Variants in CAMSAP1 observed in about 807,000 individuals in gnomAD.
CAMSAP1 encodes the protein calmodulin regulated spectrin associated protein 1.
CAMSAP1 carries 58 observed loss-of-function variants against 143.5 expected under a neutral mutation model. The ratio of observed to expected loss-of-function variants is 0.40; its 90% CI spans 0.33 to 0.50. The LOEUF (loss-of-function observed/expected upper bound fraction) is 0.50, where lower values mean the gene tolerates loss of function less well. Among genes scored for constraint, CAMSAP1 ranks in the 20% least tolerant of loss-of-function variants. CAMSAP1 has a pLI of 0.45. For missense variants in CAMSAP1, 1,969 were observed against 2,115.7 expected (o/e 0.93, Z 1.36); for synonymous variants, 945 against 859.3 (o/e 1.10, Z -1.74).
intron 7 of CAMSAP1, 136 bp downstream of exon 7, chr9:135,850,001 G>A (rs910615021): frequency 2.4e-5 from 15 of 636,416 alleles, no homozygotes; most frequent in Admixed American, 1.1e-4. Flanking sequence ...TCTCACGCCC[G>A]TCCCTGGGAT....
Position 135,880,325 on chromosome 9 carries a change from A to G in CAMSAP1, c.585+1308T>C, listed in dbSNP as rs369272740. On this transcript the variant is annotated intron_variant, in intron 3 of 16. Coordinates refer to ENST00000389532, the MANE Select transcript of CAMSAP1 (RefSeq NM_015447.4). Reference sequence around the variant, plus strand: ...CAGGGATGAGTGAGACATGGCGCTCACCACCAAGAGGCGTCCTCATGGGTA... The same window carrying G: ...CAGGGATGAGTGAGACATGGCGCTCGCCACCAAGAGGCGTCCTCATGGGTA... 2.8e-4 allele frequency among the ~76,000 whole-genome samples: 42 copies of G among 152,242 alleles called. No homozygotes were observed. The Middle Eastern group carries it at 0.01, about 37-fold the overall frequency.
At chr9:135,848,525 TCACACATGCACACACACGCATGCA>T (rs1836659078) in intron 7 of CAMSAP1, among the ~76,000 whole-genome samples, 1 of 149,922 alleles carries the variant, frequency 6.7e-6, no homozygotes, top group Non-Finnish European at 1.5e-5. Flanking sequence ...ACACACACGC[TCACACATGCACACACACGCATGCA>T]CACACATACA....
chr9:135,898,416 G>A (rs1838521004), intron 1 of CAMSAP1, among the ~76,000 whole-genome samples: 1 of 152,084 alleles, frequency 6.6e-6, no homozygotes, highest in African/African-American at 2.4e-5. Flanking sequence ...AGGCTGAGAT[G>A]GAAGAATCAC....
At chr9:135,831,835 T>C (rs1405375906) in intron 7 of CAMSAP1, among the ~76,000 whole-genome samples, 4 of 152,042 alleles carry the variant, frequency 2.6e-5, no homozygotes, top group African/African-American at 9.7e-5. Context: ...GCCAACAAAC[T>C]GAATAATGCA....
chr9:135,896,766 G>T (rs376841123), intron 1 of CAMSAP1, among the ~76,000 whole-genome samples: 11 of 152,348 alleles, frequency 7.2e-5, no homozygotes, highest in African/African-American at 2.6e-4. Flanking sequence ...TGGTCTGAGT[G>T]TTTTCTGCCC....
At chr9:135,875,914 T>C (rs1837731832) in intron 3 of CAMSAP1, among the ~76,000 whole-genome samples, 1 of 152,054 alleles carries the variant, frequency 6.6e-6, no homozygotes, top group Non-Finnish European at 1.5e-5. Context: ...GGACAAACCA[T>C]AAAAGGAAAT....
rs889492690 is a variant in CAMSAP1, at chr9:135,833,175, G to A, written c.1046-5591C>T. On this transcript the variant is annotated intron_variant, in intron 7 of 16. Transcript: ENST00000389532. Reference sequence around the variant, plus strand: ...CGGCTCACTGCAAGCTCCGCCTCCCGGATTCACGCCATTCTCTTGCCTCAG... The same window carrying A: ...CGGCTCACTGCAAGCTCCGCCTCCCAGATTCACGCCATTCTCTTGCCTCAG... 4.6e-5 allele frequency among the ~76,000 whole-genome samples: 7 copies of A among 150,636 alleles called. No homozygotes were observed. The South Asian group carries it at 6.3e-4, about 14-fold the overall frequency.
intron 1 of CAMSAP1, among the ~76,000 whole-genome samples, chr9:135,891,422 C>A (rs949759223): frequency 2.0e-5 from 3 of 152,342 alleles, no homozygotes; most frequent in Non-Finnish European, 2.9e-5. Flanking sequence ...AAGATCTGGG[C>A]TTACTCCTGA....
In CAMSAP1 at chr9:135,850,421, C is replaced by G; in HGVS notation, c.849G>C (p.Leu283=). 1 of 1,607,594 alleles carries G rather than the reference C, an allele frequency of 6.2e-7. No homozygotes were observed. Among genetic ancestry groups the G allele is most frequent in the Non-Finnish European group, 8.5e-7 (1 of 1,178,080 alleles). Residue 283 remains leucine, a synonymous_variant, in exon 6 of 17, where the codon CTG becomes CTC. Transcript: ENST00000389532. ...LKEVTSMADS[L]YNIRLLREFS... is the part of the protein sequence containing the mutation. ...ATTCTCTCAGAAGCCGAATATTATA[C>G]AGACTGTCGGCCATCGACGTTACCT...
intron 1 of CAMSAP1, among the ~76,000 whole-genome samples, chr9:135,888,333 G>A (rs961330618): frequency 4.6e-5 from 7 of 152,164 alleles, no homozygotes; most frequent in African/African-American, 9.7e-5. Context: ...CAGCCCTCCC[G>A]CGGCACCTGC....
intron 1 of CAMSAP1, among the ~76,000 whole-genome samples, chr9:135,899,183 G>GCT (rs139980974): frequency 0.023 from 3,578 of 152,270 alleles, 129 homozygotes; most frequent in African/African-American, 0.08. Flanking sequence ...TAATGAGAAT[G>GCT]CTGTCTTGAT....
Position 135,822,968 on chromosome 9 carries a change from G to C in CAMSAP1, c.1693C>G (p.Arg565Gly). The change falls in exon 11 of 17, where the codon CGG (arginine) becomes GGG (glycine). Residue 565 changes from arginine to glycine, a missense_variant. Arg to Gly is a moderately radical substitution (Grantham distance 125). Transcript: ENST00000389532. This position sits in a 1 kb window ranked among gnomAD's most constrained non-coding sequence, Gnocchi z 6.1. ...ADPEFPRASP[R>G]ALGLTANARS... ...GCATTTGCTGTAAGGCCTAAGGCCC[G>C]GGGTGAGGCCCTGGGGAACTCCGGG... 1.6e-5 allele frequency: 26 copies of C among 1,614,018 alleles called. No individual in the cohort carries two copies. The highest frequency in any genetic ancestry group is 2.2e-5 in the Non-Finnish European group (26 of 1,179,902).
In CAMSAP1 at chr9:135,834,957, T is replaced by C. The variant is rs537446170; in HGVS notation, c.1046-7373A>G. 5.3e-5 allele frequency among the ~76,000 whole-genome samples: 8 copies of C among 152,208 alleles called. No homozygotes were observed. In the East Asian group the frequency reaches 1.2e-3, roughly 22 times the overall value. On this transcript the variant is annotated intron_variant, in intron 7 of 16. Coordinates refer to ENST00000389532, the MANE Select transcript of CAMSAP1 (RefSeq NM_015447.4). ...ACCAGGGTGACATCCAACAAAGCCC[T>C]TGCCTGGGAGAAAAGGGCCACATAC...
At chr9:135,833,693 A>C (rs1835926434) in intron 7 of CAMSAP1, among the ~76,000 whole-genome samples, 1 of 152,146 alleles carries the variant, frequency 6.6e-6, no homozygotes, top group South Asian at 2.1e-4. Flanking sequence ...ACTAAGACTA[A>C]TTAATTTAAT....
rs1443469317 is a variant in CAMSAP1, at chr9:135,881,660, C to T, written c.558G>A (p.Glu186=). Residue 186 remains glutamate, a synonymous_variant, in exon 3 of 17, where the codon GAG becomes GAA. Transcript: ENST00000389532. ...SASKELPYDL[E]DAMVFWINKV... is the part of the protein sequence containing the mutation. ...TGTTGATCCAGAACACCATGGCATC[C>T]TCGAGGTCGTACGGAAGTTCTTTCG... is the stretch of plus-strand genomic sequence containing the variant. The T allele has an allele frequency of 7.1e-6, 11 of 1,551,740 alleles. No homozygotes were observed. The highest frequency in any genetic ancestry group is 9.6e-6 in the Non-Finnish European group (11 of 1,147,002).
At chr9:135,843,791 G>A (rs764341141) in intron 7 of CAMSAP1, among the ~76,000 whole-genome samples, 22 of 150,636 alleles carry the variant, frequency 1.5e-4, no homozygotes, top group East Asian at 1.2e-3. Flanking sequence ...GGACAATGGC[G>A]TGAACCTGGG....
Position 135,818,904 on chromosome 9 carries a change from G to A in CAMSAP1, c.3959+106C>T, listed in dbSNP as rs1322065374. On this transcript the variant is annotated intron_variant, in intron 12 of 16. Coordinates refer to ENST00000389532, the MANE Select transcript of CAMSAP1 (RefSeq NM_015447.4). This position sits in a 1 kb window ranked among gnomAD's most constrained non-coding sequence, Gnocchi z 7.7. Reference sequence around the variant, plus strand: ...CATGGGAGGAGTAAGACCGTCACAGGCACTCATTGCCATGGTCCATGCTCA... The same window carrying A: ...CATGGGAGGAGTAAGACCGTCACAGACACTCATTGCCATGGTCCATGCTCA... 134 of 1,483,938 alleles carry A rather than the reference G, an allele frequency of 9.0e-5. No individual in the cohort carries two copies. The highest frequency in any genetic ancestry group is 1.2e-4 in the Non-Finnish European group (131 of 1,103,922). The allele number at this position is 1,483,938 out of a possible 1,614,324, so 91.9% of individuals were successfully genotyped here. A position where few individuals can be genotyped will look rare whatever the true frequency, so the allele number is the denominator to read the frequency against.
rs1325059308 is a variant in CAMSAP1, at chr9:135,820,109, G to GC, written c.3822+729dup. On this transcript the variant is annotated intron_variant, in intron 11 of 16. Transcript: ENST00000389532. The surrounding 1 kb of genome is among the most constrained non-coding windows in gnomAD (Gnocchi z 4.4). The stretch of plus-strand genomic sequence containing the variant: ...AGTGTGCGCACACCTGGATGGCAGC[G>GC]CCCCCCACAGGCCTCGGCTACATCA... Among the ~76,000 whole-genome samples, 2 of 152,102 alleles carry GC rather than the reference G, an allele frequency of 1.3e-5. No individual in the cohort carries two copies. The highest frequency in any genetic ancestry group is 1.9e-4 in the East Asian group (1 of 5,198).
intron 1 of CAMSAP1, among the ~76,000 whole-genome samples, chr9:135,890,636 G>T (rs370620520): frequency 1.1e-3 from 172 of 152,324 alleles, no homozygotes; most frequent in African/African-American, 4.0e-3. Flanking sequence ...AGCCTCAGGG[G>T]ACTAGAGCAC....
Sources: gnomAD v4.1 joint callset for allele counts (sites outside exome capture counted in the v4.1 genomes callset) on GRCh38, gnomAD v4.1.1 for gene constraint, Gnocchi (gnomAD v3.1) non-coding constraint, MANE v1.5 for transcripts, NCBI Gene and HGNC (gene_info 2026-07-23, HGNC 2026-07-21) for gene names.